The following NALF1 variants were observed in gnomAD, a reference collection of about 807,000 sequenced individuals.
NALF1 encodes NALCN channel auxiliary factor 1.
A neutral mutation model predicts 48.4 loss-of-function variants in NALF1; 3 were observed. That is an observed-to-expected ratio of 0.06 (90% CI 0.03 to 0.16). NALF1 has a LOEUF of 0.16. Ranked by LOEUF, NALF1 falls within the 10% of genes least tolerant of loss-of-function variation. NALF1 has a pLI of 1.00. For synonymous variants in NALF1, 262 were observed against 245.7 expected, an observed-to-expected ratio of 1.07 and a Z score of -0.62; for missense variants, 526 against 571.5, an observed-to-expected ratio of 0.92 and a Z score of 0.81.
At chr13:107,704,685 C>T (rs2138514109) in intron 1 of NALF1, among the ~76,000 whole-genome samples, 1 of 152,284 alleles carries the variant, frequency 6.6e-6, no homozygotes, top group South Asian at 2.1e-4. Flanking sequence ...GAACTATCTG[C>T]ATGGCTACAG....
At chr13:107,500,841 A>G (rs1179560255) in intron 1 of NALF1, among the ~76,000 whole-genome samples, 1 of 152,014 alleles carries the variant, frequency 6.6e-6, no homozygotes, top group Non-Finnish European at 1.5e-5. Context: ...ATTCTCAGCA[A>G]ACTATTGCAA....
At chr13:107,234,894 G>A (rs1416246247) in intron 1 of NALF1, among the ~76,000 whole-genome samples, 1 of 152,100 alleles carries the variant, frequency 6.6e-6, no homozygotes, top group Non-Finnish European at 1.5e-5. Flanking sequence ...AGGCAGACTT[G>A]ATGACATGAA....
intron 1 of NALF1, among the ~76,000 whole-genome samples, chr13:107,749,147 T>C (rs1056645071): frequency 1.3e-5 from 2 of 151,834 alleles, no homozygotes; most frequent in Non-Finnish European, 2.9e-5. Context: ...TGTGTGTGTG[T>C]GTGTGTGTGT....
chr13:107,851,805 C>CATTT (rs1555329721), intron 1 of NALF1, among the ~76,000 whole-genome samples: 21 of 104,726 alleles, frequency 2.0e-4, no homozygotes, highest in East Asian at 8.6e-4. Flanking sequence ...CAGGCCCTTT[C>CATTT]TTTTTTTTTT....
At chr13:107,440,487 C>G (rs1399519538) in intron 1 of NALF1, among the ~76,000 whole-genome samples, 1 of 152,128 alleles carries the variant, frequency 6.6e-6, no homozygotes, top group African/African-American at 2.4e-5. Flanking sequence ...TTCCAAGGGT[C>G]AGAGAAGCAG....
At chr13:107,386,412 C>T (rs1173538750) in intron 1 of NALF1, among the ~76,000 whole-genome samples, 1 of 152,118 alleles carries the variant, frequency 6.6e-6, no homozygotes, top group African/African-American at 2.4e-5. Context: ...GGAAACTTGG[C>T]TTTTACACAA....
chr13:107,191,315 A>AT (rs1426160955), intron 2 of NALF1, among the ~76,000 whole-genome samples: 2 of 152,146 alleles, frequency 1.3e-5, no homozygotes, highest in Non-Finnish European at 2.9e-5. Flanking sequence ...AAAATTAGTG[A>AT]TTTTTTTGAA....
intron 1 of NALF1, among the ~76,000 whole-genome samples, chr13:107,221,240 C>T (rs1300585314): frequency 1.3e-5 from 2 of 152,036 alleles, no homozygotes; most frequent in African/African-American, 4.8e-5. Flanking sequence ...TACAACTCAT[C>T]CATGTGACCA....
At chr13:107,650,845 C>G (rs1389392793) in intron 1 of NALF1, among the ~76,000 whole-genome samples, 3 of 152,092 alleles carry the variant, frequency 2.0e-5, no homozygotes, top group East Asian at 1.9e-4. Context: ...ATATATCATG[C>G]CTCACTTGTA....
chr13:107,774,717 G>T (rs894080873), intron 1 of NALF1, among the ~76,000 whole-genome samples: 9 of 152,176 alleles, frequency 5.9e-5, no homozygotes, highest in Admixed American at 2.6e-4. Flanking sequence ...GGGATGGAAA[G>T]TGGAGAAAAT....
chr13:107,551,043 C>G (rs2139129073), intron 1 of NALF1, among the ~76,000 whole-genome samples: 1 of 152,206 alleles, frequency 6.6e-6, no homozygotes. Flanking sequence ...CCTGAAATCA[C>G]TGCTGTGTCC....
chr13:107,385,498 A>C (rs927808841), intron 1 of NALF1, among the ~76,000 whole-genome samples: 6 of 148,162 alleles, frequency 4.0e-5, no homozygotes, highest in African/African-American at 1.5e-4. Flanking sequence ...GGTTGCAGTG[A>C]GCCAAAATCC....
chr13:107,210,528 C>A (rs1477112546), intron 2 of NALF1, 56 bp downstream of exon 2: 1 of 1,246,036 alleles, frequency 8.0e-7, no homozygotes, highest in African/African-American at 1.5e-5. Flanking sequence ...ACAAACATCA[C>A]ACAAGAAAGC....
At chr13:107,726,912 CTTGTGTGTGTGT>C (rs1235618654) in intron 1 of NALF1, among the ~76,000 whole-genome samples, 6 of 97,424 alleles carry the variant, frequency 6.2e-5, no homozygotes, top group South Asian at 6.6e-4. Flanking sequence ...CCGGCAAATT[CTTGTGTGTGTGT>C]GTGTGTGTGT....
At chr13:107,315,348 T>A (rs1290757885) in intron 1 of NALF1, among the ~76,000 whole-genome samples, 1 of 152,112 alleles carries the variant, frequency 6.6e-6, no homozygotes, top group Non-Finnish European at 1.5e-5. Context: ...CCCATACCCA[T>A]GTGATGGATG....
intron 1 of NALF1, among the ~76,000 whole-genome samples, chr13:107,542,096 T>C (rs1347134512): frequency 2.0e-5 from 3 of 152,050 alleles, no homozygotes; most frequent in Non-Finnish European, 4.4e-5. Flanking sequence ...TATCAAAGGA[T>C]GAATGGAAAA....
rs775872623 is a variant in NALF1 at position 107,866,001 on chromosome 13, G to GC, written c.595dup (p.Ala199GlyfsTer29). ...CACCTCCTGCCCGTCCCCCCCGGCC[G>GC]CCCCCCGACTCCAGTTCCTGGCGCA... On this transcript the variant is annotated frameshift_variant, in exon 1 of 3. Coordinates refer to ENST00000375915, the MANE Select transcript of NALF1 (RefSeq NM_001080396.3). LOFTEE classifies it high-confidence loss of function. The surrounding 1 kb of genome is among the most constrained non-coding windows in gnomAD (Gnocchi z 4.4). 3 of 1,611,794 alleles carry GC rather than the reference G, an allele frequency of 1.9e-6. No individual in the cohort carries two copies.
intron 1 of NALF1, among the ~76,000 whole-genome samples, chr13:107,295,305 G>A (rs9559003): frequency 0.19 from 29,208 of 152,126 alleles, 3,283 homozygotes; most frequent in Non-Finnish European, 0.25. Flanking sequence ...CCATGTTGTT[G>A]CAAAGGACAT....
At chr13:107,441,083 T>C (rs116759044) in intron 1 of NALF1, among the ~76,000 whole-genome samples, 260 of 152,324 alleles carry the variant, frequency 1.7e-3, no homozygotes, top group African/African-American at 5.6e-3. Flanking sequence ...CACTTTTGTA[T>C]AATTTGTCAT....
Sources: allele counts gnomAD v4.1 joint callset (sites outside exome capture counted in the v4.1 genomes callset), GRCh38; gene constraint gnomAD v4.1.1; non-coding constraint Gnocchi (gnomAD v3.1); transcripts MANE v1.5; gene names NCBI Gene and HGNC (gene_info 2026-07-23, HGNC 2026-07-21).